The following STXBP4 variants were observed in gnomAD, a reference collection of about 807,000 sequenced individuals.
STXBP4 encodes the protein syntaxin binding protein 4.
STXBP4 carries 55 observed loss-of-function variants against 76.1 expected under a neutral mutation model. The ratio of observed to expected loss-of-function variants is 0.72; its 90% CI spans 0.58 to 0.91. The LOEUF (loss-of-function observed/expected upper bound fraction) is 0.91, where lower values mean the gene tolerates loss of function less well. STXBP4 is among the 40% of genes least tolerant of loss of function. The pLI is 0.00. For missense variants in STXBP4, 618 were observed against 636.9 expected (o/e 0.97, Z 0.32); for synonymous variants, 201 against 220.2 (o/e 0.91, Z 0.77).
intron 8 of STXBP4, among the ~76,000 whole-genome samples, chr17:55,008,626 T>C (rs921053959): frequency 2.0e-5 from 3 of 152,102 alleles, no homozygotes; most frequent in African/African-American, 7.2e-5. Context: ...AGAAGTGTAA[T>C]TGGAGCACAA....
At chr17:55,093,729 G>C (rs527800064) in intron 16 of STXBP4, among the ~76,000 whole-genome samples, 1 of 152,212 alleles carries the variant, frequency 6.6e-6, no homozygotes, top group South Asian at 2.1e-4. Flanking sequence ...TTTATTTCCA[G>C]AAAAAATGAG....
At chr17:55,032,811 A>G (rs1048772900) in intron 9 of STXBP4, among the ~76,000 whole-genome samples, 1 of 152,150 alleles carries the variant, frequency 6.6e-6, no homozygotes, top group African/African-American at 2.4e-5. Flanking sequence ...TAGGCAGAAG[A>G]CTATGGTATT....
rs2145214334 is a variant in STXBP4, at chr17:55,170,259, G to A, written c.*10348G>A. 1 of 151,878 alleles carries A rather than the reference G, an allele frequency of 6.6e-6. No individual in the cohort carries two copies. The highest frequency in any genetic ancestry group is 6.6e-5 in the Admixed American group (1 of 15,246). 9.4% of individuals were successfully genotyped at this position (151,878 alleles called of 1,614,324 possible). ...AATAGAAATGATTGCCTAAATTCCT[G>A]AAAACAGGGGAATGTCTAAATAAAA... is the stretch of plus-strand genomic sequence containing the variant. On this transcript the variant is annotated 3_prime_UTR_variant, in exon 18 of 18. Transcript: ENST00000376352.
At chr17:55,150,697 C>T (rs1027655738) in intron 17 of STXBP4, among the ~76,000 whole-genome samples, 1 of 152,094 alleles carries the variant, frequency 6.6e-6, no homozygotes, top group African/African-American at 2.4e-5. Context: ...TGATCCCAAT[C>T]GGTGCATTTT....
At chr17:55,085,647 T>A (rs993420898) in intron 16 of STXBP4, among the ~76,000 whole-genome samples, 3 of 152,048 alleles carry the variant, frequency 2.0e-5, no homozygotes. Context: ...TAAAGTTCCA[T>A]GTTAATTAAC....
Position 55,170,760 on chromosome 17 carries a change from T to A in STXBP4, c.*10849T>A, listed in dbSNP as rs954140104. The A allele has an allele frequency of 9.2e-5, 14 of 152,228 alleles. No homozygotes were observed. The highest frequency in any genetic ancestry group is 2.9e-4 in the African/African-American group (12 of 41,460). 9.4% of individuals were successfully genotyped at this position (152,228 alleles called of 1,614,324 possible). ...GATTATTGTGGAAACAACAAAAAAA[T>A]TCATTTTTTGAAATGAAAATCTTTA... is the stretch of plus-strand genomic sequence containing the variant. On this transcript the variant is annotated 3_prime_UTR_variant, in exon 18 of 18. Coordinates refer to ENST00000376352, the MANE Select transcript of STXBP4 (RefSeq NM_178509.6).
intron 1 of STXBP4, among the ~76,000 whole-genome samples, chr17:54,973,330 C>T (rs1380029169): frequency 6.6e-6 from 1 of 152,204 alleles, no homozygotes; most frequent in Non-Finnish European, 1.5e-5. Context: ...AACAAAAACA[C>T]TGAAGCCTTT....
chr17:55,182,974 TGAAA>T, the STXBP4 span, among the ~76,000 whole-genome samples: 3 of 152,032 alleles, frequency 2.0e-5, no homozygotes, highest in Non-Finnish European at 4.4e-5. Flanking sequence ...AGCTTAAAGA[TGAAA>T]GAAAGAATAA....
intron 10 of STXBP4, among the ~76,000 whole-genome samples, chr17:55,036,572 T>C (rs919623780): frequency 6.6e-6 from 1 of 151,900 alleles, no homozygotes; most frequent in Non-Finnish European, 1.5e-5. Context: ...CATTTTTTGT[T>C]CTAATGACAC....
chr17:54,996,640 G>T (rs185070009), intron 4 of STXBP4, among the ~76,000 whole-genome samples: 4 of 152,206 alleles, frequency 2.6e-5, no homozygotes, highest in Admixed American at 2.0e-4. Flanking sequence ...CTACAGCTAA[G>T]AAAATAGAGG....
intron 12 of STXBP4, among the ~76,000 whole-genome samples, chr17:55,059,161 A>G (rs1045941312): frequency 1.3e-5 from 2 of 152,154 alleles, no homozygotes; most frequent in African/African-American, 2.4e-5. Flanking sequence ...AAATAAATAT[A>G]GCCTAATAAA....
intron 17 of STXBP4, among the ~76,000 whole-genome samples, chr17:55,148,206 G>A (rs572219257): frequency 1.3e-4 from 20 of 152,336 alleles, no homozygotes; most frequent in African/African-American, 2.9e-4. Flanking sequence ...AAGACAGCCA[G>A]TTAGTTTGTT....
At chr17:55,040,832 A>G (rs2078685850) in intron 10 of STXBP4, among the ~76,000 whole-genome samples, 1 of 152,222 alleles carries the variant, frequency 6.6e-6, no homozygotes, top group Admixed American at 6.5e-5. Flanking sequence ...AGTTACTGAT[A>G]GATTTTGAAA....
chr17:54,991,020 A>AT, intron 4 of STXBP4, 63 bp downstream of exon 4: 1 of 1,436,482 alleles, frequency 7.0e-7, no homozygotes, highest in Non-Finnish European at 9.1e-7. Context: ...GGTAAAGTTT[A>AT]TTTTTTCTTC....
In STXBP4 at chr17:55,011,587, T is replaced by C. The variant is rs1409948510; in HGVS notation, c.666+3990T>C. ...GGAGGGGACCCAAAGAGGGTAGCCATTGGTGGCTCGAATGCATGAGTTTAT... is the reference window on the plus strand; with the variant it reads ...GGAGGGGACCCAAAGAGGGTAGCCACTGGTGGCTCGAATGCATGAGTTTAT... On this transcript the variant is annotated intron_variant, in intron 8 of 17. Coordinates refer to ENST00000376352, the MANE Select transcript of STXBP4 (RefSeq NM_178509.6). Among the ~76,000 whole-genome samples, 5 of 139,300 alleles carry C rather than the reference T, an allele frequency of 3.6e-5. No individual in the cohort carries two copies. In the East Asian group the frequency reaches 6.9e-4, roughly 19 times the overall value. 91.4% of individuals were successfully genotyped at this position (139,300 alleles called of 152,430 possible).
intron 16 of STXBP4, among the ~76,000 whole-genome samples, chr17:55,117,688 A>T (rs1428147056): frequency 6.6e-6 from 1 of 151,902 alleles, no homozygotes; most frequent in East Asian, 1.9e-4. Flanking sequence ...TTCTAAAGGT[A>T]CAGATGTTTA....
chr17:55,203,533 C>T, the STXBP4 span, among the ~76,000 whole-genome samples: 13 of 152,102 alleles, frequency 8.5e-5, no homozygotes, highest in Non-Finnish European at 1.9e-4. Context: ...AATTATCCTA[C>T]ACAAACAAGT....
At chr17:55,205,696 A>C in the STXBP4 span, among the ~76,000 whole-genome samples, 4 of 152,088 alleles carry the variant, frequency 2.6e-5, no homozygotes, top group Non-Finnish European at 2.9e-5. Context: ...ACAAAATAAG[A>C]GTTTTCTAAT....
intron 16 of STXBP4, among the ~76,000 whole-genome samples, chr17:55,086,499 T>C (rs2079332393): frequency 6.6e-6 from 1 of 152,216 alleles, no homozygotes; most frequent in South Asian, 2.1e-4. Context: ...TTATTCCTTC[T>C]ATCTAGCTGT....
Sources: gnomAD v4.1 joint callset for allele counts (sites outside exome capture counted in the v4.1 genomes callset) on GRCh38, gnomAD v4.1.1 for gene constraint, MANE v1.5 for transcripts, NCBI Gene and HGNC (gene_info 2026-07-23, HGNC 2026-07-21) for gene names.